The following LRMDA variants were observed in gnomAD, a reference collection of about 807,000 sequenced individuals.
LRMDA encodes leucine-rich melanocyte differentiation-associated protein.
Under a neutral mutation model 29.8 loss-of-function variants are expected in LRMDA, and 18 were observed. The observed-to-expected ratio is 0.60, with a 90% CI of 0.42 to 0.90. The LOEUF is 0.90. Ranked by LOEUF, LRMDA falls within the 40% of genes least tolerant of loss-of-function variation. The pLI, the probability that LRMDA is intolerant of heterozygous loss-of-function variation, is 0.00. For missense variants in LRMDA, 273 were observed against 273.9 expected (o/e 1.00, Z 0.02); for synonymous variants, 125 against 109.4 (o/e 1.14, Z -0.89).
At chr10:76,015,353 C>T (rs749090226) in intron 2 of LRMDA, among the ~76,000 whole-genome samples, 12 of 152,182 alleles carry the variant, frequency 7.9e-5, no homozygotes, top group African/African-American at 1.2e-4. Context: ...GATCCCTTTC[C>T]AAGCTCATTC....
intron 2 of LRMDA, among the ~76,000 whole-genome samples, chr10:75,547,537 G>A (rs937649070): frequency 1.3e-5 from 2 of 152,188 alleles, no homozygotes; most frequent in African/African-American, 2.4e-5. Flanking sequence ...AATAAGTGCT[G>A]TGGAATGTGT....
At chr10:75,930,622 A>G (rs7086926) in intron 2 of LRMDA, among the ~76,000 whole-genome samples, 5,108 of 152,036 alleles carry the variant, frequency 0.034, 300 homozygotes, top group African/African-American at 0.11. Flanking sequence ...AGTGGTCAAG[A>G]CCCTTTTCAG....
intron 2 of LRMDA, among the ~76,000 whole-genome samples, chr10:75,617,368 T>C (rs1474758100): frequency 6.6e-6 from 1 of 152,142 alleles, no homozygotes; most frequent in Non-Finnish European, 1.5e-5. Flanking sequence ...TGGGAGTACA[T>C]GGTGGCAGCT....
At chr10:76,377,509 G>T (rs1485180544) in intron 6 of LRMDA, among the ~76,000 whole-genome samples, 3 of 152,054 alleles carry the variant, frequency 2.0e-5, no homozygotes, top group South Asian at 2.1e-4. Context: ...TTCTTCTAGG[G>T]TTTTAATAGT....
At chr10:75,555,540 A>G (rs1278837545) in intron 2 of LRMDA, among the ~76,000 whole-genome samples, 1 of 152,196 alleles carries the variant, frequency 6.6e-6, no homozygotes, top group Non-Finnish European at 1.5e-5. Context: ...ATAAGGCTGA[A>G]ACAATTGAAC....
intron 2 of LRMDA, among the ~76,000 whole-genome samples, chr10:75,609,154 G>T (rs1169703980): frequency 6.6e-6 from 1 of 152,140 alleles, no homozygotes; most frequent in African/African-American, 2.4e-5. Context: ...AGGTTGGGAG[G>T]TGGGGTTAGA....
At chr10:76,292,663 C>T (rs1456592262) in intron 5 of LRMDA, among the ~76,000 whole-genome samples, 1 of 151,998 alleles carries the variant, frequency 6.6e-6, no homozygotes, top group East Asian at 1.9e-4. Context: ...TGACAAGTCC[C>T]CATGATACTA....
At chr10:75,785,194 T>C (rs1843451219) in intron 2 of LRMDA, among the ~76,000 whole-genome samples, 1 of 152,254 alleles carries the variant, frequency 6.6e-6, no homozygotes, top group African/African-American at 2.4e-5. Context: ...TGATTGGTTG[T>C]ATGTGAGCTT....
rs556896458 is a variant in LRMDA at position 75,980,330 on chromosome 10, C to G, written c.132-55678C>G. ...AGTGATCAGTCAAGGGCCCTGCTCC[C>G]CCTTCTCCAGCACCCAGCCCTGTGT... On this transcript the variant is annotated intron_variant, in intron 2 of 6. Coordinates refer to ENST00000611255, the MANE Select transcript of LRMDA (RefSeq NM_001305581.2). Among the ~76,000 whole-genome samples, 15 of 152,292 alleles carry G rather than the reference C, an allele frequency of 9.8e-5. No homozygotes were observed. In the East Asian group the frequency reaches 2.3e-3, roughly 24 times the overall value.
chr10:76,239,159 C>A (rs1425500019), intron 5 of LRMDA, among the ~76,000 whole-genome samples: 2 of 152,066 alleles, frequency 1.3e-5, no homozygotes, highest in Non-Finnish European at 2.9e-5. Flanking sequence ...TGGTTCACTC[C>A]CTAGATAGTC....
At chr10:75,955,397 G>T (rs559945850) in intron 2 of LRMDA, among the ~76,000 whole-genome samples, 1 of 152,210 alleles carries the variant, frequency 6.6e-6, no homozygotes, top group African/African-American at 2.4e-5. Flanking sequence ...CCTGGAATCT[G>T]TGATTAAACA....
chr10:76,212,469 G>A (rs571913158), intron 5 of LRMDA, among the ~76,000 whole-genome samples: 60 of 152,036 alleles, frequency 3.9e-4, no homozygotes, highest in Non-Finnish European at 2.8e-4. Context: ...TTGGAAGGAA[G>A]TGTCTGCCAA....
Position 75,834,330 on chromosome 10 carries a change from A to G in LRMDA, c.132-201678A>G, listed in dbSNP as rs1309490364. 5.9e-5 allele frequency among the ~76,000 whole-genome samples: 9 copies of G among 152,298 alleles called. No individual in the cohort carries two copies. The East Asian group carries it at 1.7e-3, about 29-fold the overall frequency. On this transcript the variant is annotated intron_variant, in intron 2 of 6. Transcript: ENST00000611255. ...CGAGTCACATGCCTAATCTCTTCAA[A>G]GAGCTTTCTGTGTGAAAGAATACTC...
Position 76,240,248 on chromosome 10 carries a change from A to G in LRMDA, c.517-84153A>G, listed in dbSNP as rs147940183. 2.2e-3 allele frequency among the ~76,000 whole-genome samples: 327 copies of G among 151,338 alleles called. 2 individuals carry two copies. Among genetic ancestry groups the G allele is most frequent in the African/African-American group, 7.2e-3 (297 of 41,320 alleles). The stretch of plus-strand genomic sequence containing the variant: ...TACGCACACCATAGAATACTACTTA[A>G]CTATAAAAAGGAATGAAATAATGGC... On this transcript the variant is annotated intron_variant, in intron 5 of 6. Transcript: ENST00000611255.
In LRMDA at chr10:76,371,485, C is replaced by CTAGCTAGTGCTCAGA. The variant is rs1841453651; in HGVS notation, c.601+47001_601+47015dup. Among the ~76,000 whole-genome samples, 4 of 152,262 alleles carry CTAGCTAGTGCTCAGA rather than the reference C, an allele frequency of 2.6e-5. No homozygotes were observed. In the East Asian group the frequency reaches 5.8e-4, roughly 22 times the overall value. On this transcript the variant is annotated intron_variant, in intron 6 of 6. Transcript: ENST00000611255. ...AGATCTTCTGCCCTGGAATCATATC[C>CTAGCTAGTGCTCAGA]TAGCTAGTGCTCAGAGCCTGCCACT...
At chr10:75,702,815 A>G (rs551833592) in intron 2 of LRMDA, among the ~76,000 whole-genome samples, 161 of 152,314 alleles carry the variant, frequency 1.1e-3, no homozygotes, top group African/African-American at 3.6e-3. Flanking sequence ...TATAGTTTTC[A>G]TGTGTGTGTC....
intron 2 of LRMDA, among the ~76,000 whole-genome samples, chr10:75,476,230 T>A (rs963981036): frequency 7.9e-5 from 12 of 152,182 alleles, no homozygotes; most frequent in Non-Finnish European, 1.3e-4. Context: ...GTTAATTTTT[T>A]AAAAAATCAT....
intron 2 of LRMDA, among the ~76,000 whole-genome samples, chr10:75,957,532 C>T (rs566022051): frequency 1.2e-4 from 18 of 152,282 alleles, no homozygotes; most frequent in African/African-American, 3.9e-4. Context: ...TTGTCACCAA[C>T]GGGCCTATGA....
chr10:76,188,591 T>C (rs1851188238), intron 5 of LRMDA, among the ~76,000 whole-genome samples: 1 of 152,154 alleles, frequency 6.6e-6, no homozygotes, highest in Non-Finnish European at 1.5e-5. Flanking sequence ...ATTCACCTGA[T>C]GGAATAACAC....
Sources: gnomAD v4.1 joint callset for allele counts (sites outside exome capture counted in the v4.1 genomes callset) on GRCh38, gnomAD v4.1.1 for gene constraint, MANE v1.5 for transcripts, NCBI Gene and HGNC (gene_info 2026-07-23, HGNC 2026-07-21) for gene names.